The following TPRG1 variants were observed in gnomAD, a reference collection of about 807,000 sequenced individuals.
TPRG1 encodes tumor protein p63-regulated gene 1 protein.
In TPRG1, 29 loss-of-function variants were observed where a neutral mutation model predicts 29.3. That is an observed-to-expected ratio of 0.99 (90% CI 0.74 to 1.35). The LOEUF (loss-of-function observed/expected upper bound fraction) is 1.35. TPRG1 is among the 40% of genes most tolerant of loss of function. The pLI, the probability that TPRG1 is intolerant of heterozygous loss-of-function variation, is 0.00. For synonymous variants in TPRG1, 130 were observed against 116.8 expected (o/e 1.11, Z -0.73); for missense variants, 327 against 335.0 (o/e 0.98, Z 0.19).
At chr3:189,279,227 A>C (rs1343881349) in intron 4 of TPRG1, among the ~76,000 whole-genome samples, 1 of 152,102 alleles carries the variant, frequency 6.6e-6, no homozygotes, top group African/African-American at 2.4e-5. Context: ...TAGTTTGCCA[A>C]CCTTTTCCTG....
At chr3:189,255,125 CT>C (rs1442783023) in intron 4 of TPRG1, among the ~76,000 whole-genome samples, 1 of 152,152 alleles carries the variant, frequency 6.6e-6, no homozygotes, top group East Asian at 1.9e-4. Flanking sequence ...ATGCTTCCAG[CT>C]TTTGCCCATT....
chr3:189,285,847 T>A (rs895003154), intron 4 of TPRG1, among the ~76,000 whole-genome samples: 1 of 152,236 alleles, frequency 6.6e-6, no homozygotes, highest in African/African-American at 2.4e-5. Flanking sequence ...ACTATCTCCA[T>A]AGAGACTTCT....
At chr3:189,126,033 A>C (rs1443533231) in intron 1 of TPRG1, among the ~76,000 whole-genome samples, 1 of 152,168 alleles carries the variant, frequency 6.6e-6, no homozygotes, top group African/African-American at 2.4e-5. Flanking sequence ...CTCTATAAGC[A>C]CTGCCGATGC....
chr3:189,105,515 G>A (rs777055844), intron 1 of TPRG1, among the ~76,000 whole-genome samples: 3 of 152,054 alleles, frequency 2.0e-5, no homozygotes, highest in Non-Finnish European at 4.4e-5. Flanking sequence ...CCATTAGAGA[G>A]AATCTAAGTT....
intron 3 of TPRG1, among the ~76,000 whole-genome samples, chr3:189,020,348 T>C (rs528604854): frequency 2.5e-3 from 384 of 152,124 alleles, no homozygotes; most frequent in Middle Eastern, 0.014. Flanking sequence ...GGATCTTTCC[T>C]GCTTTCTCTT....
At chr3:189,156,473 A>G (rs73184422) in intron 5 of TPRG1, among the ~76,000 whole-genome samples, 26,093 of 152,224 alleles carry the variant, frequency 0.17, 2,307 homozygotes, top group South Asian at 0.24. Context: ...TTACCCATGG[A>G]TGAGACGCAG....
chr3:189,214,015 A>G (rs1024843573), intron 2 of TPRG1, among the ~76,000 whole-genome samples: 15 of 152,210 alleles, frequency 9.9e-5, no homozygotes, highest in Admixed American at 6.5e-4. Context: ...GTCATTTTGT[A>G]TATATGCAAA....
intron 4 of TPRG1, among the ~76,000 whole-genome samples, chr3:189,251,208 A>G (rs1742199986): frequency 6.6e-6 from 1 of 152,108 alleles, no homozygotes; most frequent in South Asian, 2.1e-4. Flanking sequence ...GAGCACTATC[A>G]GAACTTAGCA....
chr3:189,286,470 G>T (rs1247955080), intron 4 of TPRG1, among the ~76,000 whole-genome samples: 4 of 152,070 alleles, frequency 2.6e-5, no homozygotes, highest in Admixed American at 6.6e-5. Flanking sequence ...ACAAATAGTT[G>T]TTGAAGGCAA....
At chr3:189,146,604 A>G (rs1725297771) in intron 3 of TPRG1, among the ~76,000 whole-genome samples, 1 of 152,160 alleles carries the variant, frequency 6.6e-6, no homozygotes, top group South Asian at 2.1e-4. Flanking sequence ...GATCCCCCAT[A>G]TTATAATTGC....
At chr3:189,119,063 G>C (rs567823914) in intron 1 of TPRG1, among the ~76,000 whole-genome samples, 3 of 152,242 alleles carry the variant, frequency 2.0e-5, no homozygotes, top group East Asian at 3.8e-4. Context: ...AGCTGTTAGG[G>C]GGGTTGAGCT....
chr3:189,170,434 C>T (rs552278446), upstream of TPRG1, among the ~76,000 whole-genome samples: 27 of 152,252 alleles, frequency 1.8e-4, no homozygotes, highest in African/African-American at 6.5e-4. Flanking sequence ...CTTAACAGCC[C>T]GGATCTAATG....
At chr3:189,278,309 G>A (rs11915968) in intron 4 of TPRG1, among the ~76,000 whole-genome samples, 10,506 of 151,602 alleles carry the variant, frequency 0.069, 528 homozygotes, top group African/African-American at 0.14. Flanking sequence ...GTGGTTGCTC[G>A]AGTGCCCTGG....
chr3:189,161,179 A>T (rs1264714002), intron 5 of TPRG1, among the ~76,000 whole-genome samples: 2 of 149,426 alleles, frequency 1.3e-5, no homozygotes, highest in Non-Finnish European at 3.0e-5. Context: ...ATTGTCTTTT[A>T]CGACATACAA....
At chr3:189,094,372 C>T (rs1046933294) in intron 4 of TPRG1, among the ~76,000 whole-genome samples, 6 of 152,162 alleles carry the variant, frequency 3.9e-5, no homozygotes, top group Non-Finnish European at 7.4e-5. Context: ...CACTCCATAA[C>T]TGCCCCCTCC....
chr3:189,154,704 A>G (rs1242033347), intron 5 of TPRG1, among the ~76,000 whole-genome samples: 3 of 152,100 alleles, frequency 2.0e-5, no homozygotes, highest in Non-Finnish European at 4.4e-5. Flanking sequence ...CAGCCTCCCA[A>G]AGTGCTGGGA....
chr3:188,998,709 T>G (rs1199666429), intron 1 of TPRG1, among the ~76,000 whole-genome samples: 1 of 152,192 alleles, frequency 6.6e-6, no homozygotes, highest in South Asian at 2.1e-4. Flanking sequence ...TGTTAAGTGA[T>G]AAGCCAGGCC....
At chr3:189,127,878 C>A (rs1722668485) in intron 2 of TPRG1, among the ~76,000 whole-genome samples, 1 of 152,164 alleles carries the variant, frequency 6.6e-6, no homozygotes, top group Admixed American at 6.5e-5. Context: ...GCATAATTCC[C>A]TATATGCTTA....
chr3:189,072,350 T>C (rs1560427018), intron 4 of TPRG1, among the ~76,000 whole-genome samples: 1 of 152,226 alleles, frequency 6.6e-6, no homozygotes, highest in Non-Finnish European at 1.5e-5. Flanking sequence ...TTCTTTACTT[T>C]CCTTTAATTA....
Sources: allele counts gnomAD v4.1 joint callset (sites outside exome capture counted in the v4.1 genomes callset), GRCh38; gene constraint gnomAD v4.1.1; transcripts MANE v1.5; gene names NCBI Gene and HGNC (gene_info 2026-07-23, HGNC 2026-07-21).